Variants in ZDHHC23 observed in about 807,000 individuals in gnomAD.
The protein encoded by ZDHHC23 is palmitoyltransferase ZDHHC23.
ZDHHC23 carries 41 observed loss-of-function variants against 40.2 expected under a neutral mutation model. The ratio of observed to expected loss-of-function variants is 1.02; its 90% CI spans 0.79 to 1.32. The LOEUF is 1.32. ZDHHC23 is among the 40% of genes most tolerant of loss of function. The pLI, the probability that ZDHHC23 is intolerant of heterozygous loss-of-function variation, is 0.00. For missense variants in ZDHHC23, 471 were observed against 541.5 expected (o/e 0.87, Z 1.29); for synonymous variants, 204 against 210.2 (o/e 0.97, Z 0.26).
In ZDHHC23 at chr3:113,963,021, AT is replaced by A. The variant is rs1472121975; in HGVS notation, c.*4394del. ...TTGGAGTGTCTCCTGAAGTCTTCTGATTTCTGAAAACCCTGCATTATACCTG... is the reference window on the plus strand; with the variant it reads ...TTGGAGTGTCTCCTGAAGTCTTCTGATTCTGAAAACCCTGCATTATACCTG... On this transcript the variant is annotated 3_prime_UTR_variant, in exon 5 of 5. Coordinates refer to ENST00000638807, the MANE Select transcript of ZDHHC23 (RefSeq NM_001320466.2). 1.3e-5 allele frequency: 2 copies of A among 151,960 alleles called. No individual in the cohort carries two copies. The highest frequency in any genetic ancestry group is 2.9e-5 in the Non-Finnish European group (2 of 68,010). 9.4% of individuals were successfully genotyped at this position (151,960 alleles called of 1,614,324 possible). A position where few individuals can be genotyped will look rare whatever the true frequency, so the allele number is the denominator to read the frequency against.
chr3:113,971,026 ATG>A, the ZDHHC23 span, among the ~76,000 whole-genome samples: 1 of 150,696 alleles, frequency 6.6e-6, no homozygotes, highest in African/African-American at 2.5e-5. Context: ...CGCAATAAAC[ATG>A]TGTGCATGTG....
At chr3:113,965,741 C>T (rs1940075890), downstream of ZDHHC23, among the ~76,000 whole-genome samples, 4 of 152,110 alleles carry the variant, frequency 2.6e-5, no homozygotes, top group South Asian at 8.3e-4. Flanking sequence ...AGGTGCCTGC[C>T]ACCATGCCTG....
At position 113,948,520 on chromosome 3, in the gene ZDHHC23, G is replaced by A. The variant is rs528066710; in HGVS notation, c.-117-166G>A. ...GGACGCGTGGTCGGCTGTCGCCATA[G>A]GAACGGCTGGTGCCCAGACGGCGCC... On this transcript the variant is annotated intron_variant, in intron 1 of 4. Transcript: ENST00000638807. The A allele has an allele frequency of 3.7e-5, 13 of 354,346 alleles. No homozygotes were observed. The South Asian group carries it at 5.5e-4, about 15-fold the overall frequency. The allele number at this position is 354,346 out of a possible 1,614,324, so 22.0% of individuals were successfully genotyped here.
chr3:113,969,126 T>C (rs1381005051), downstream of ZDHHC23, among the ~76,000 whole-genome samples: 1 of 152,174 alleles, frequency 6.6e-6, no homozygotes. Flanking sequence ...ATGCACTCAT[T>C]TACAGAGGAT....
chr3:113,955,394 G>GTGCA (rs1491262569), intron 3 of ZDHHC23, among the ~76,000 whole-genome samples: 36 of 151,510 alleles, frequency 2.4e-4, no homozygotes, highest in African/African-American at 8.5e-4. Context: ...GTGTGTGTGC[G>GTGCA]TGTGTGTTCC....
chr3:113,978,385 A>G, the ZDHHC23 span: 2 of 1,553,966 alleles, frequency 1.3e-6, no homozygotes, highest in Non-Finnish European at 1.8e-6. Context: ...TTGACAAAGA[A>G]TTAGAGCAAA....
In ZDHHC23 at chr3:113,958,519, C is replaced by T. The variant is rs1264847112; in HGVS notation, c.1197C>T (p.Cys399=). The T allele has an allele frequency of 1.1e-5, 17 of 1,613,568 alleles. No individual in the cohort carries two copies. Among genetic ancestry groups the T allele is most frequent in the Admixed American group, 5.0e-5 (3 of 60,004 alleles). ...AGAAGACTGGGCGCCGGCTCCTCTGCGGGCTCATCGTGGACACAGGCCAGT... is the reference window on the plus strand; with the variant it reads ...AGAAGACTGGGCGCCGGCTCCTCTGTGGGCTCATCGTGGACACAGGCCAGT... ...LRQKTGRRLL[C]GLIVDTGQYN... The change falls in exon 5 of 5, where the codon TGC becomes TGT. Residue 399 remains cysteine, a synonymous_variant. Coordinates refer to ENST00000638807, the MANE Select transcript of ZDHHC23 (RefSeq NM_001320466.2).
chr3:113,955,250 CCTCAAGTGCATGG>C (rs796632257), intron 3 of ZDHHC23, among the ~76,000 whole-genome samples: 40 of 152,258 alleles, frequency 2.6e-4, no homozygotes, highest in African/African-American at 9.4e-4. Context: ...TTGGCGTGGG[CCTCAAGTGCATGG>C]CTCAAGTGCA....
chr3:113,976,663 A>G, the ZDHHC23 span, among the ~76,000 whole-genome samples: 3 of 151,858 alleles, frequency 2.0e-5, no homozygotes, highest in Non-Finnish European at 2.9e-5. Flanking sequence ...AAGGTTAGTT[A>G]TTATTTTGGG....
intron 2 of ZDHHC23, among the ~76,000 whole-genome samples, chr3:113,952,128 ACT>A (rs1938730018): frequency 1.3e-5 from 2 of 151,056 alleles, no homozygotes; most frequent in South Asian, 4.2e-4. Context: ...CAAGAGCAAA[ACT>A]CTGTCTCAAA....
chr3:113,950,557 A>G (rs992654587), intron 2 of ZDHHC23, among the ~76,000 whole-genome samples: 2 of 152,126 alleles, frequency 1.3e-5, no homozygotes, highest in African/African-American at 2.4e-5. Context: ...TCTGAATACT[A>G]TTGCATTGGG....
downstream of ZDHHC23, chr3:113,965,386 G>A (rs1940017735): frequency 1.4e-6 from 2 of 1,449,116 alleles, no homozygotes; most frequent in East Asian, 4.6e-5. Context: ...GGAAAAAAGT[G>A]AAATGTTGAG....
chr3:113,957,554 C>T (rs1939350309), intron 4 of ZDHHC23: 1 of 393,416 alleles, frequency 2.5e-6, no homozygotes, highest in Admixed American at 2.9e-5. Context: ...CCGAGGAATA[C>T]AGTCCTGCCA....
chr3:113,979,042 C>A, the ZDHHC23 span: 1 of 1,593,356 alleles, frequency 6.3e-7, no homozygotes, highest in Non-Finnish European at 8.6e-7. Flanking sequence ...AAATATTATT[C>A]CTTAAATTTT....
At chr3:113,952,858 A>T (rs1218881362) in intron 2 of ZDHHC23, among the ~76,000 whole-genome samples, 7 of 152,134 alleles carry the variant, frequency 4.6e-5, no homozygotes, top group Admixed American at 4.6e-4. Context: ...TCTCTTTTTT[A>T]GAGGCATTAA....
rs780354415 is a variant in ZDHHC23 at position 113,954,276 on chromosome 3, C to G, written c.738C>G (p.Ser246=). 6.2e-7 allele frequency: 1 copy of G among 1,614,136 alleles called. No homozygotes were observed. The highest frequency in any genetic ancestry group is 8.5e-7 in the Non-Finnish European group (1 of 1,180,002). Residue 246 remains serine (S), a synonymous_variant, in exon 3 of 5, where the codon TCC becomes TCG. Transcript: ENST00000638807. ...CAAAGGATGACCCCAAGGGCTCTTC[C>G]AAGATGCCAGCTGGAAGCCCCACCA... ...RTTKDDPKGS[S]KMPAGSPTKA...
chr3:113,956,373 G>C lies in ZDHHC23; in HGVS notation c.907G>C (p.Ala303Pro). The change falls in exon 4 of 5, where the codon GCA becomes CCA. Residue 303 changes from alanine to proline, a missense_variant. Transcript: ENST00000638807. ...CTGCGTTGGAGAATCAAATCATCAAGCATTTATACTTGCCCTTTTGATCTT... is the reference window on the plus strand; with the variant it reads ...CTGCGTTGGAGAATCAAATCATCAACCATTTATACTTGCCCTTTTGATCTT... Reference protein sequence around the residue: ...NSCVGESNHQAFILALLIFLL... With the variant: ...NSCVGESNHQPFILALLIFLL... 6.2e-7 allele frequency: 1 copy of C among 1,614,180 alleles called. No homozygotes were observed. Among genetic ancestry groups the C allele is most frequent in the African/African-American group, 1.3e-5 (1 of 75,056 alleles).
intron 4 of ZDHHC23, among the ~76,000 whole-genome samples, chr3:113,957,422 T>G (rs1939335132): frequency 6.6e-6 from 1 of 152,226 alleles, no homozygotes; most frequent in Non-Finnish European, 1.5e-5. Context: ...CAGATTAAGT[T>G]TCCTTCCTCA....
At chr3:113,969,678 G>A (rs1328075606), downstream of ZDHHC23, among the ~76,000 whole-genome samples, 3 of 152,090 alleles carry the variant, frequency 2.0e-5, no homozygotes, top group African/African-American at 7.2e-5. Context: ...ATTTAAATCT[G>A]GGTTCTCTAT....
Sources: allele counts gnomAD v4.1 joint callset (sites outside exome capture counted in the v4.1 genomes callset), GRCh38; gene constraint gnomAD v4.1.1; transcripts MANE v1.5; gene names NCBI Gene and HGNC (gene_info 2026-07-23, HGNC 2026-07-21).